The following FRMD3 variants were observed in gnomAD, a reference collection of about 807,000 sequenced individuals.
The protein encoded by FRMD3 is FERM domain-containing protein 3.
FRMD3 carries 33 observed loss-of-function variants against 70.2 expected under a neutral mutation model. That is an observed-to-expected ratio of 0.47 (90% confidence interval 0.36 to 0.63). The LOEUF (loss-of-function observed/expected upper bound fraction) is 0.63. FRMD3 is among the 20% of genes least tolerant of loss of function. FRMD3 has a pLI of 0.00. For missense variants in FRMD3, 632 were observed against 711.4 expected (o/e 0.89, Z 1.27); for synonymous variants, 279 against 255.9 (o/e 1.09, Z -0.86).
chr9:83,448,113 A>C (rs1053778020), intron 1 of FRMD3, among the ~76,000 whole-genome samples: 2 of 152,178 alleles, frequency 1.3e-5, no homozygotes, highest in African/African-American at 4.8e-5. Context: ...TTGGTGCTTC[A>C]GTGTATGAGA....
At chr9:83,349,479 C>T (rs900441650) in intron 4 of FRMD3, among the ~76,000 whole-genome samples, 200 bp downstream of exon 4, 3 of 152,154 alleles carry the variant, frequency 2.0e-5, no homozygotes, top group African/African-American at 7.2e-5. Context: ...CAGTTAATTA[C>T]ACTCTCAATG....
At chr9:83,447,807 T>A (rs1429079737) in intron 1 of FRMD3, among the ~76,000 whole-genome samples, 1 of 152,178 alleles carries the variant, frequency 6.6e-6, no homozygotes, top group East Asian at 1.9e-4. Context: ...AACACCACCA[T>A]GTTCTGGCCG....
chr9:83,316,157 T>TTTC (rs1835562001), intron 6 of FRMD3, among the ~76,000 whole-genome samples: 1 of 127,922 alleles, frequency 7.8e-6, no homozygotes, highest in African/African-American at 3.5e-5. Context: ...TCTTTTTTTT[T>TTTC]TTTCTTTTTT....
intron 1 of FRMD3, among the ~76,000 whole-genome samples, chr9:83,514,604 G>A (rs1047467514): frequency 3.9e-5 from 6 of 152,178 alleles, no homozygotes; most frequent in African/African-American, 7.2e-5. Flanking sequence ...CACAGTGCTC[G>A]AGCTCTGCTA....
At chr9:83,251,743 T>G (rs1010035226) in intron 13 of FRMD3, among the ~76,000 whole-genome samples, 1 of 152,156 alleles carries the variant, frequency 6.6e-6, no homozygotes, top group Non-Finnish European at 1.5e-5. Flanking sequence ...AGTAGCAGAA[T>G]AGACCAAGTT....
chr9:83,245,577 C>T lies in FRMD3; in HGVS notation c.*2341G>A, dbSNP rs1022057259. On this transcript the variant is annotated 3_prime_UTR_variant, in exon 14 of 14. Transcript: ENST00000304195. ...ATTACTCCTTAAGATAAATCTGCAT[C>T]GTTGGATTACATGTGATATTTATAC... 3 of 858,650 alleles carry T rather than the reference C, an allele frequency of 3.5e-6. No homozygotes were observed. The highest frequency in any genetic ancestry group is 1.8e-5 in the African/African-American group (1 of 54,790). The allele number at this position is 858,650 out of a possible 1,614,324, so 53.2% of individuals were successfully genotyped here.
chr9:83,530,998 A>G (rs566570627), intron 1 of FRMD3, among the ~76,000 whole-genome samples: 1 of 152,286 alleles, frequency 6.6e-6, no homozygotes, highest in East Asian at 1.9e-4. Flanking sequence ...TTCAGGGGTA[A>G]GCATGTGACC....
Position 83,343,028 on chromosome 9 carries a change from G to T in FRMD3, c.472+162C>A, listed in dbSNP as rs551083196. Among the ~76,000 whole-genome samples, 8 of 152,250 alleles carry T rather than the reference G, an allele frequency of 5.3e-5. No individual in the cohort carries two copies. In the East Asian group the frequency reaches 1.6e-3, roughly 30 times the overall value. ...CTTTCACCGGGACCCCACTGGCTTG[G>T]AAGGGAAGGTGAGTTGGGGTTCTGT... On this transcript the variant is annotated intron_variant, in intron 5 of 13. Transcript: ENST00000304195.
At position 83,313,820 on chromosome 9, in the gene FRMD3, A is replaced by G. The variant is rs950581439; in HGVS notation, c.597-73T>C. ...GAAACTCGGAATCCCTTCATTCAAT[A>G]AAGTATGGTGTTCTAAGCTAAATAA... On this transcript the variant is annotated intron_variant, in intron 6 of 13. Transcript: ENST00000304195. 7.2e-6 allele frequency: 8 copies of G among 1,104,468 alleles called. No individual in the cohort carries two copies. In the African/African-American group the frequency reaches 7.7e-5, roughly 11 times the overall value. The allele number at this position is 1,104,468 out of a possible 1,614,324, so 68.4% of individuals were successfully genotyped here. A position where few individuals can be genotyped will look rare whatever the true frequency, so the allele number is the denominator to read the frequency against.
chr9:83,483,507 C>A (rs1003997805), intron 1 of FRMD3, among the ~76,000 whole-genome samples: 1 of 152,198 alleles, frequency 6.6e-6, no homozygotes, highest in African/African-American at 2.4e-5. Context: ...CTGATTAAAT[C>A]CTTGTGTGCT....
At chr9:83,303,861 G>A (rs1392450268) in intron 10 of FRMD3, among the ~76,000 whole-genome samples, 3 of 152,102 alleles carry the variant, frequency 2.0e-5, no homozygotes, top group Non-Finnish European at 4.4e-5. Flanking sequence ...GAAACCACCT[G>A]TCACTGCAAT....
chr9:83,419,320 C>G (rs957938907), intron 1 of FRMD3, among the ~76,000 whole-genome samples: 2 of 151,948 alleles, frequency 1.3e-5, no homozygotes, highest in African/African-American at 4.8e-5. Flanking sequence ...TAAGATTAAC[C>G]ATAAAAAAAA....
At chr9:83,453,842 A>G (rs1827738649) in intron 1 of FRMD3, among the ~76,000 whole-genome samples, 1 of 151,516 alleles carries the variant, frequency 6.6e-6, no homozygotes, top group Non-Finnish European at 1.5e-5. Context: ...CAGCCTCCCA[A>G]GTAGCTGGGA....
At position 83,343,213 on chromosome 9, in the gene FRMD3, T is replaced by C. The variant is rs964196561; in HGVS notation, c.449A>G (p.Tyr150Cys). ...RLLCSFSDAA[Y>C]LGACIVQAEL... The stretch of plus-strand genomic sequence containing the variant: ...ACCTTGAACAATACAGGCACCCAGG[T>C]AGGCAGCATCAGAAAAGGAGCACAG... Residue 150 changes from tyrosine to cysteine, a missense_variant, in exon 5 of 14, where the codon TAC becomes TGC. By Grantham distance (194) the Tyr-to-Cys change is radical (BLOSUM62 -2). Transcript: ENST00000304195. 6.2e-6 allele frequency: 10 copies of C among 1,613,468 alleles called. No homozygotes were observed. In the African/African-American group the frequency reaches 1.2e-4, roughly 19 times the overall value.
chr9:83,481,438 T>A (rs1828565260), intron 1 of FRMD3, among the ~76,000 whole-genome samples: 1 of 152,172 alleles, frequency 6.6e-6, no homozygotes. Context: ...CTTTTTAGAA[T>A]GATGATTACA....
intron 1 of FRMD3, among the ~76,000 whole-genome samples, chr9:83,442,601 T>G (rs141296332): frequency 1.4e-4 from 22 of 152,154 alleles, no homozygotes; most frequent in Non-Finnish European, 2.2e-4. Context: ...CGTATAAAAT[T>G]GGATCTGTCT....
At chr9:83,308,420 A>G (rs995944473) in intron 10 of FRMD3, among the ~76,000 whole-genome samples, 2 of 152,162 alleles carry the variant, frequency 1.3e-5, no homozygotes, top group African/African-American at 4.8e-5. Context: ...GATGGTTCTC[A>G]TCAGCCAAAG....
chr9:83,481,221 G>A (rs939074894), intron 1 of FRMD3, among the ~76,000 whole-genome samples: 1 of 152,162 alleles, frequency 6.6e-6, no homozygotes, highest in Non-Finnish European at 1.5e-5. Flanking sequence ...GTTTCTAGAT[G>A]TTTATTACAT....
At chr9:83,352,533 A>G (rs1587759394) in intron 3 of FRMD3, among the ~76,000 whole-genome samples, 1 of 152,122 alleles carries the variant, frequency 6.6e-6, no homozygotes, top group South Asian at 2.1e-4. Flanking sequence ...CTTCCCACCC[A>G]GTTCTCCTCA....
Sources: allele counts gnomAD v4.1 joint callset (sites outside exome capture counted in the v4.1 genomes callset), GRCh38; gene constraint gnomAD v4.1.1; transcripts MANE v1.5; gene names NCBI Gene and HGNC (gene_info 2026-07-23, HGNC 2026-07-21).